Variants in TBKBP1 observed in about 807,000 individuals in gnomAD.
TBKBP1 encodes TBK1 binding protein 1, also known as TANK-binding kinase 1-binding protein 1.
A neutral mutation model predicts 69.9 loss-of-function variants in TBKBP1; 47 were observed. The ratio of observed to expected loss-of-function variants is 0.67; its 90% CI spans 0.53 to 0.86. The LOEUF (loss-of-function observed/expected upper bound fraction) is 0.86. Among genes scored for constraint, TBKBP1 ranks in the 40% least tolerant of loss-of-function variants. The pLI, the probability that TBKBP1 is intolerant of heterozygous loss-of-function variation, is 0.00. For missense variants in TBKBP1, 831 were observed against 858.6 expected, an observed-to-expected ratio of 0.97 and a Z score of 0.40; for synonymous variants, 418 against 390.3, an observed-to-expected ratio of 1.07 and a Z score of -0.84.
intron 1 of TBKBP1, 131 bp from the exon 2 acceptor site, chr17:47,695,948 T>A: frequency 1.7e-6 from 1 of 601,510 alleles, no homozygotes; most frequent in East Asian, 2.8e-5. Flanking sequence ...TGGGAGTCCC[T>A]GCTGAGCTCG....
chr17:47,707,460 A>C (rs1456164679), intron 7 of TBKBP1, among the ~76,000 whole-genome samples: 1 of 152,252 alleles, frequency 6.6e-6, no homozygotes, highest in Non-Finnish European at 1.5e-5. Context: ...GGAGAGGCTC[A>C]AATGCATTAT....
chr17:47,699,189 G>A (rs2031384334), intron 5 of TBKBP1, 131 bp from the exon 6 acceptor site: 2 of 1,032,428 alleles, frequency 1.9e-6, no homozygotes. Context: ...CCTTGTCGCA[G>A]TCATCCCTCC....
chr17:47,697,879 A>G (rs1228717734), intron 4 of TBKBP1, among the ~76,000 whole-genome samples: 2 of 147,746 alleles, frequency 1.4e-5, no homozygotes, highest in Admixed American at 6.8e-5. Context: ...AGCCCAGGAG[A>G]TCGAAGCTTT....
At position 47,710,786 on chromosome 17, in the gene TBKBP1, C is replaced by A; in HGVS notation, c.*160C>A. On this transcript the variant is annotated 3_prime_UTR_variant, in exon 10 of 10. Transcript: ENST00000578982. ...AACGTGTGTGCCATCTTCCCTGGTCCAGGCACCACTCAGCTCTGGCTCTTC... is the reference window on the plus strand; with the variant it reads ...AACGTGTGTGCCATCTTCCCTGGTCAAGGCACCACTCAGCTCTGGCTCTTC... 9.4e-7 allele frequency: 1 copy of A among 1,061,126 alleles called. No individual in the cohort carries two copies. The highest frequency in any genetic ancestry group is 1.3e-6 in the Non-Finnish European group (1 of 743,348). The allele number at this position is 1,061,126 out of a possible 1,614,324, so 65.7% of individuals were successfully genotyped here.
At chr17:47,702,440 C>G (rs549108341) in intron 7 of TBKBP1, among the ~76,000 whole-genome samples, 1 of 152,256 alleles carries the variant, frequency 6.6e-6, no homozygotes, top group Non-Finnish European at 1.5e-5. Flanking sequence ...GTATGCCCAC[C>G]TGTCTTGGTC....
Position 47,710,787 on chromosome 17 carries a change from A to G in TBKBP1, c.*161A>G, listed in dbSNP as rs1481794079. The stretch of plus-strand genomic sequence containing the variant: ...ACGTGTGTGCCATCTTCCCTGGTCC[A>G]GGCACCACTCAGCTCTGGCTCTTCC... On this transcript the variant is annotated 3_prime_UTR_variant, in exon 10 of 10. Coordinates refer to ENST00000578982, the MANE Select transcript of TBKBP1 (RefSeq NM_001394755.1). 3 of 1,058,284 alleles carry G rather than the reference A, an allele frequency of 2.8e-6. No homozygotes were observed. Among genetic ancestry groups the G allele is most frequent in the African/African-American group, 3.2e-5 (2 of 62,762 alleles). The allele number at this position is 1,058,284 out of a possible 1,614,324, so 65.6% of individuals were successfully genotyped here.
chr17:47,709,708 C>T (rs1350323070), intron 9 of TBKBP1, among the ~76,000 whole-genome samples: 1 of 152,258 alleles, frequency 6.6e-6, no homozygotes, highest in Non-Finnish European at 1.5e-5. Flanking sequence ...GAGTGAGTGA[C>T]AGTTCTGCCT....
Position 47,708,905 on chromosome 17 carries a change from G to A in TBKBP1, c.1172G>A (p.Cys391Tyr), listed in dbSNP as rs2031800788. Residue 391 changes from cysteine to tyrosine, a missense_variant, in exon 9 of 10, where the codon TGC (cysteine) becomes TAC (tyrosine). By Grantham distance (194) the Cys-to-Tyr change is radical (BLOSUM62 -2). Coordinates refer to ENST00000578982, the MANE Select transcript of TBKBP1 (RefSeq NM_001394755.1). This position sits in a 1 kb window ranked among gnomAD's most constrained non-coding sequence, Gnocchi z 4.4. ...CGCCGCTCTCCGGCCTCACCCTCCT[G>A]CCCGTCGCCCGTCCCGCAGCGCCGC... ...QQRRSPASPSCPSPVPQRRSP... is the reference protein window; with the variant it reads ...QQRRSPASPSYPSPVPQRRSP... 7.3e-7 allele frequency: 1 copy of A among 1,373,732 alleles called. No homozygotes were observed. The highest frequency in any genetic ancestry group is 9.4e-7 in the Non-Finnish European group (1 of 1,064,282). 85.1% of individuals were successfully genotyped at this position (1,373,732 alleles called of 1,614,324 possible).
At chr17:47,696,397 A>C in intron 2 of TBKBP1, 60 bp downstream of exon 2, 5 of 1,549,242 alleles carry the variant, frequency 3.2e-6, no homozygotes, top group East Asian at 4.5e-5. Context: ...GGGGACTGGG[A>C]ATCTGGTAGA....
intron 9 of TBKBP1, among the ~76,000 whole-genome samples, 172 bp from the exon 10 acceptor site, chr17:47,710,326 G>C (rs950675421): frequency 6.6e-6 from 1 of 152,126 alleles, no homozygotes; most frequent in Non-Finnish European, 1.5e-5. Context: ...CCCTGGGCAG[G>C]GGGGTGGACA....
chr17:47,707,951 A>T (rs1196789436), intron 7 of TBKBP1, among the ~76,000 whole-genome samples: 1 of 152,248 alleles, frequency 6.6e-6, no homozygotes, highest in Non-Finnish European at 1.5e-5. Flanking sequence ...GCTTGAGAAA[A>T]TTCACAGTGA....
chr17:47,699,826 T>A, intron 7 of TBKBP1, 129 bp downstream of exon 7: 5 of 584,184 alleles, frequency 8.6e-6, no homozygotes, highest in Non-Finnish European at 1.0e-5. Flanking sequence ...GTGGGGTTCT[T>A]TTTTTTTTTT....
intron 1 of TBKBP1, among the ~76,000 whole-genome samples, chr17:47,694,893 G>T (rs1041508436): frequency 2.0e-5 from 3 of 151,174 alleles, no homozygotes; most frequent in African/African-American, 7.3e-5. Flanking sequence ...GGCGGAGGGG[G>T]GGGGGTGGAT....
In TBKBP1 at chr17:47,709,164, C is replaced by G; in HGVS notation, c.1431C>G (p.Pro477=). Reference sequence around the variant, plus strand: ...CGGCCTACGCGGGCGCCTCCCCGCCCTGGCTGCAGGCCGAAGCGGCCACTC... The same window carrying G: ...CGGCCTACGCGGGCGCCTCCCCGCCGTGGCTGCAGGCCGAAGCGGCCACTC... ...EGAAYAGASP[P]WLQAEAATLP... is the part of the protein sequence containing the mutation. Residue 477 remains proline (P), a synonymous_variant, in exon 9 of 10, where the codon CCC becomes CCG. Transcript: ENST00000578982. The G allele has an allele frequency of 6.9e-7, 1 of 1,440,870 alleles. No homozygotes were observed. 89.3% of individuals were successfully genotyped at this position (1,440,870 alleles called of 1,614,324 possible).
At chr17:47,696,443 T>C (rs573048859) in intron 2 of TBKBP1, 106 bp downstream of exon 2, 206 of 1,335,630 alleles carry the variant, frequency 1.5e-4, no homozygotes, top group Non-Finnish European at 2.0e-4. Flanking sequence ...CTGTGCAGAC[T>C]CTTGGGAACT....
At chr17:47,697,063 G>T in intron 3 of TBKBP1, 26 bp from the exon 4 acceptor site, 9 of 1,594,154 alleles carry the variant, frequency 5.6e-6, no homozygotes, top group Non-Finnish European at 7.7e-6. Flanking sequence ...CTGACCCTGT[G>T]GTGGGGCCCT....
At chr17:47,702,971 G>T (rs1195992223) in intron 7 of TBKBP1, among the ~76,000 whole-genome samples, 2 of 138,218 alleles carry the variant, frequency 1.4e-5, no homozygotes, top group Non-Finnish European at 3.1e-5. Context: ...CCGTGCTGAG[G>T]GGGAGGGGAA....
chr17:47,708,217 T>C lies in TBKBP1; in HGVS notation c.873-177T>C, dbSNP rs1381931455. On this transcript the variant is annotated intron_variant, in intron 7 of 9. Coordinates refer to ENST00000578982, the MANE Select transcript of TBKBP1 (RefSeq NM_001394755.1). The surrounding 1 kb of genome is among the most constrained non-coding windows in gnomAD (Gnocchi z 4.4). ...GCAGAGGGAGTCTCCCTGGAAGAGG[T>C]GGCTTTTGAGCTGGACCTTAAAGGT... is the stretch of plus-strand genomic sequence containing the variant. Among the ~76,000 whole-genome samples, 1 of 151,980 alleles carries C rather than the reference T, an allele frequency of 6.6e-6. No homozygotes were observed. The highest frequency in any genetic ancestry group is 2.4e-5 in the African/African-American group (1 of 41,354).
chr17:47,703,353 G>A (rs1237495331), intron 7 of TBKBP1, among the ~76,000 whole-genome samples: 1 of 152,158 alleles, frequency 6.6e-6, no homozygotes, highest in East Asian at 1.9e-4. Flanking sequence ...GGAGACCCCC[G>A]CATACCCTGA....
Sources: allele counts gnomAD v4.1 joint callset (sites outside exome capture counted in the v4.1 genomes callset), GRCh38; gene constraint gnomAD v4.1.1; non-coding constraint Gnocchi (gnomAD v3.1); transcripts MANE v1.5; gene names NCBI Gene and HGNC (gene_info 2026-07-23, HGNC 2026-07-21).